The following EVC variants were observed in gnomAD, a reference collection of about 807,000 sequenced individuals.
EVC encodes EvC ciliary complex subunit 1, also known as evC complex member EVC.
A neutral mutation model predicts 118.9 loss-of-function variants in EVC; 116 were observed. The observed-to-expected ratio is 0.98, with a 90% confidence interval of 0.84 to 1.14. The LOEUF is 1.14. Among genes scored for constraint, EVC ranks in the 50% most tolerant of loss-of-function variants. The pLI is 0.00. For missense variants in EVC, 1,401 were observed against 1,246.4 expected, an observed-to-expected ratio of 1.12 and a Z score of -1.87; for synonymous variants, 619 against 534.7, an observed-to-expected ratio of 1.16 and a Z score of -2.18.
At chr4:5,752,644 C>G (rs549496546) in intron 8 of EVC, 192 bp from the exon 9 acceptor site, 13 of 678,144 alleles carry the variant, frequency 1.9e-5, no homozygotes, top group Non-Finnish European at 3.2e-5. Context: ...AGGAGAGACA[C>G]TTAATCCCCA....
intron 11 of EVC, among the ~76,000 whole-genome samples, chr4:5,776,605 C>G (rs1288278377): frequency 6.6e-6 from 1 of 152,092 alleles, no homozygotes; most frequent in Non-Finnish European, 1.5e-5. Context: ...CCAGACTTGC[C>G]CTCCGATCCT....
intron 11 of EVC, among the ~76,000 whole-genome samples, chr4:5,765,834 T>G (rs570682587): frequency 6.6e-6 from 1 of 150,572 alleles, no homozygotes; most frequent in Non-Finnish European, 1.5e-5. Flanking sequence ...TACAGCACAC[T>G]GATGGGTCTT....
chr4:5,775,468 C>T (rs1174364378), intron 11 of EVC, among the ~76,000 whole-genome samples: 1 of 152,140 alleles, frequency 6.6e-6, no homozygotes, highest in Non-Finnish European at 1.5e-5. Context: ...AGTTGTAAAT[C>T]TCAGAGCACA....
At chr4:5,787,925 G>A (rs1577580371) in intron 12 of EVC, among the ~76,000 whole-genome samples, 1 of 152,148 alleles carries the variant, frequency 6.6e-6, no homozygotes, top group Non-Finnish European at 1.5e-5. Context: ...ACAAGGTGGT[G>A]TTTGGCCAAG....
intron 11 of EVC, among the ~76,000 whole-genome samples, chr4:5,775,088 G>T (rs902159432): frequency 6.6e-6 from 1 of 152,036 alleles, no homozygotes; most frequent in Non-Finnish European, 1.5e-5. Flanking sequence ...TGACCATTGT[G>T]AACAATAAAG....
rs1428552070 is a variant in EVC, at chr4:5,789,987, C to T, written c.1777-3621C>T. Among the ~76,000 whole-genome samples, 3 of 152,068 alleles carry T rather than the reference C, an allele frequency of 2.0e-5. No individual in the cohort carries two copies. Among genetic ancestry groups the T allele is most frequent in the Non-Finnish European group, 4.4e-5 (3 of 68,010 alleles). On this transcript the variant is annotated intron_variant, in intron 12 of 20. Coordinates refer to ENST00000264956, the MANE Select transcript of EVC (RefSeq NM_153717.3). The surrounding 1 kb of genome is among the most constrained non-coding windows in gnomAD (Gnocchi z 4.3). ...CCTGAGATCAAGAGTTCGAGACCAG[C>T]CTGGCCTACATAGCGAAACCCCATC...
intron 11 of EVC, among the ~76,000 whole-genome samples, chr4:5,763,688 T>C (rs1246243188): frequency 5.2e-5 from 6 of 114,842 alleles, no homozygotes; most frequent in Non-Finnish European, 3.7e-5. Flanking sequence ...TCACTCATGA[T>C]TTGGCTCTCT....
At chr4:5,769,542 G>T (rs191385849) in intron 11 of EVC, among the ~76,000 whole-genome samples, 14 of 152,146 alleles carry the variant, frequency 9.2e-5, no homozygotes, top group African/African-American at 3.4e-4. Flanking sequence ...GTGCGATCGC[G>T]TGAGCTCTGT....
In EVC at chr4:5,748,314, T is replaced by C; in HGVS notation, c.1098+8T>C. On this transcript the variant is annotated splice_region_variant and intron_variant, in intron 8 of 20. Transcript: ENST00000264956. ...CAGGAGCTGCAGGCTCTGGTAATGC[T>C]GGAGGGGGCGGGAGGGAACATAAAG... is the stretch of plus-strand genomic sequence containing the variant. The C allele has an allele frequency of 6.2e-7, 1 of 1,613,968 alleles. No individual in the cohort carries two copies. The highest frequency in any genetic ancestry group is 8.5e-7 in the Non-Finnish European group (1 of 1,179,934).
intron 11 of EVC, among the ~76,000 whole-genome samples, chr4:5,764,008 T>C (rs934837262): frequency 6.8e-6 from 1 of 148,060 alleles, no homozygotes; most frequent in Non-Finnish European, 1.5e-5. Context: ...TTCCAGTTTT[T>C]GCCCATTCAG....
the EVC span, chr4:5,825,861 A>G: frequency 7.0e-6 from 4 of 573,028 alleles, no homozygotes; most frequent in Non-Finnish European, 1.2e-5. The surrounding 1 kb of genome is among the most constrained non-coding windows in gnomAD (Gnocchi z 4.4). Context: ...ACAAGCATGC[A>G]TACACACACA....
At position 5,798,531 on chromosome 4, in the gene EVC, G is replaced by A; in HGVS notation, c.2098-55G>A. The A allele has an allele frequency of 6.5e-7, 1 of 1,528,912 alleles. No individual in the cohort carries two copies. The highest frequency in any genetic ancestry group is 8.9e-7 in the Non-Finnish European group (1 of 1,128,740). The allele number at this position is 1,528,912 out of a possible 1,614,324, so 94.7% of individuals were successfully genotyped here. On this transcript the variant is annotated intron_variant, in intron 14 of 20. Transcript: ENST00000264956. This position sits in a 1 kb window ranked among gnomAD's most constrained non-coding sequence, Gnocchi z 4.1. ...CAGCCCCACATCCCAGTCCTGGCCA[G>A]AGCTTCTCTGTGAGAGGAGCACTTG...
In EVC at chr4:5,753,807, C is replaced by A; in HGVS notation, c.1338C>A (p.Asp446Glu). The A allele has an allele frequency of 1.2e-6, 2 of 1,614,134 alleles. No homozygotes were observed. The highest frequency in any genetic ancestry group is 8.5e-7 in the Non-Finnish European group (1 of 1,180,028). Residue 446 changes from aspartate (D) to glutamate (E), a missense_variant, in exon 10 of 21, where the codon GAC becomes GAA. Transcript: ENST00000264956. ...FSREFVQRGK[D>E]LVTASLAHQV... ...CAGAGTTTGTCCAGCGAGGCAAAGA[C>A]CTGGTCACGGCGTCTCTGGCTCACC... is the stretch of plus-strand genomic sequence containing the variant.
Position 5,801,971 on chromosome 4 carries a change from G to C in EVC, c.2326G>C (p.Val776Leu). ...TCAGAGGACACTGATGGAGGCGGCA[G>C]TGGAGAGCGTCTACGTGACCAGCGC... ...DFKRTLMEAA[V>L]ESVYVTSAGV... The change falls in exon 16 of 21, where the codon GTG becomes CTG. Residue 776 changes from valine (V) to leucine (L), a missense_variant. Val to Leu is a conservative substitution (Grantham distance 32). Coordinates refer to ENST00000264956, the MANE Select transcript of EVC (RefSeq NM_153717.3). 6.2e-7 allele frequency: 1 copy of C among 1,613,828 alleles called. No homozygotes were observed. The highest frequency in any genetic ancestry group is 8.5e-7 in the Non-Finnish European group (1 of 1,180,004).
At chr4:5,753,989 C>T in intron 10 of EVC, 56 bp downstream of exon 10, 1 of 1,609,216 alleles carries the variant, frequency 6.2e-7, no homozygotes, top group Non-Finnish European at 8.5e-7. Context: ...AGCTCTGTTC[C>T]CGTGACTGAG....
At chr4:5,774,827 A>G (rs950548629) in intron 11 of EVC, among the ~76,000 whole-genome samples, 4 of 152,138 alleles carry the variant, frequency 2.6e-5, no homozygotes, top group African/African-American at 9.7e-5. Context: ...CAATAATGCA[A>G]ATTAATTCTG....
At chr4:5,781,877 C>T (rs1049690459) in intron 11 of EVC, among the ~76,000 whole-genome samples, 3 of 151,938 alleles carry the variant, frequency 2.0e-5, no homozygotes, top group Admixed American at 1.3e-4. Context: ...AATGAGATGC[C>T]ATTTATGGGT....
chr4:5,809,431 C>T (rs532945731), intron 18 of EVC, 87 bp from the exon 19 acceptor site: 8 of 1,200,270 alleles, frequency 6.7e-6, no homozygotes, highest in South Asian at 3.6e-5. Context: ...TGGCCAGCCT[C>T]AAGTGTCAGA....
chr4:5,712,149 G>C (rs1723140400), intron 1 of EVC, among the ~76,000 whole-genome samples: 1 of 152,190 alleles, frequency 6.6e-6, no homozygotes, highest in African/African-American at 2.4e-5. Flanking sequence ...TAAACTATCG[G>C]TTATGACACC....
Sources: allele counts gnomAD v4.1 joint callset (sites outside exome capture counted in the v4.1 genomes callset), GRCh38; gene constraint gnomAD v4.1.1; non-coding constraint Gnocchi (gnomAD v3.1); transcripts MANE v1.5; gene names NCBI Gene and HGNC (gene_info 2026-07-23, HGNC 2026-07-21).